Variants in TAFA1 observed in about 807,000 individuals in gnomAD.
TAFA1 encodes the protein chemokine-like protein TAFA-1.
In TAFA1, 4 loss-of-function variants were observed where a neutral mutation model predicts 18.5. The observed-to-expected ratio is 0.22, with a 90% CI of 0.11 to 0.49. The LOEUF is 0.49. Among genes scored for constraint, TAFA1 ranks in the 20% least tolerant of loss-of-function variants. TAFA1 has a pLI of 0.98. For missense variants in TAFA1, 147 were observed against 169.0 expected (o/e 0.87, Z 0.72); for synonymous variants, 56 against 55.2 (o/e 1.01, Z -0.06).
intron 2 of TAFA1, among the ~76,000 whole-genome samples, chr3:68,196,784 C>T (rs2066416112): frequency 6.6e-6 from 1 of 151,718 alleles, no homozygotes; most frequent in African/African-American, 2.4e-5. Context: ...TGCCCCATAG[C>T]TTCTTTAGAA....
At chr3:68,378,370 G>A (rs2069861757) in intron 2 of TAFA1, among the ~76,000 whole-genome samples, 1 of 152,210 alleles carries the variant, frequency 6.6e-6, no homozygotes. Context: ...TTTTCATGGG[G>A]CTTGTAACCC....
intron 2 of TAFA1, among the ~76,000 whole-genome samples, chr3:68,243,697 C>T (rs79321380): frequency 6.6e-6 from 1 of 152,150 alleles, no homozygotes; most frequent in Non-Finnish European, 1.5e-5. Context: ...AGCCATTCAC[C>T]CATTGAAGGA....
intron 2 of TAFA1, among the ~76,000 whole-genome samples, chr3:68,143,313 C>T (rs1270234213): frequency 6.6e-6 from 1 of 152,042 alleles, no homozygotes; most frequent in Admixed American, 6.6e-5. Flanking sequence ...GCCACACATA[C>T]AAAAAATGGG....
rs578217057 is a variant in TAFA1 at position 68,202,645 on chromosome 3, C to T, written c.118+195901C>T. On this transcript the variant is annotated intron_variant, in intron 2 of 4. Coordinates refer to ENST00000478136, the MANE Select transcript of TAFA1 (RefSeq NM_213609.4). ...AGCCAAATTTTAAATAACAATATACCACTTTATGGGTACTGTGAGTAACTT... is the reference window on the plus strand; with the variant it reads ...AGCCAAATTTTAAATAACAATATACTACTTTATGGGTACTGTGAGTAACTT... Among the ~76,000 whole-genome samples, 68 of 151,552 alleles carry T rather than the reference C, an allele frequency of 4.5e-4. 1 individual carries two copies. The highest frequency in any genetic ancestry group is 1.3e-3 in the African/African-American group (55 of 41,402).
intron 2 of TAFA1, among the ~76,000 whole-genome samples, chr3:68,066,171 C>T (rs750993307): frequency 1.3e-5 from 2 of 152,058 alleles, no homozygotes; most frequent in Non-Finnish European, 2.9e-5. Context: ...TCAAATCATA[C>T]ATGAAATATT....
At chr3:68,005,031 A>AT (rs889888906) in intron 1 of TAFA1, among the ~76,000 whole-genome samples, 20 of 151,562 alleles carry the variant, frequency 1.3e-4, no homozygotes, top group African/African-American at 2.2e-4. Flanking sequence ...TTGTGGCAGG[A>AT]TTTTTTTTTC....
At chr3:68,120,205 CTTTCTTTCTTTCTTTCTTT>C (rs2065377626) in intron 2 of TAFA1, among the ~76,000 whole-genome samples, 1 of 108,014 alleles carries the variant, frequency 9.3e-6, no homozygotes, top group Non-Finnish European at 1.8e-5. Context: ...TTCTTTCTTT[CTTTCTTTCTTTCTTTCTTT>C]CTTTCTTTCT....
At chr3:68,518,878 A>G (rs1365553297) in intron 3 of TAFA1, among the ~76,000 whole-genome samples, 1 of 152,238 alleles carries the variant, frequency 6.6e-6, no homozygotes, top group East Asian at 1.9e-4. Context: ...CACTGGTTTC[A>G]GAGTAATTTT....
At chr3:68,439,790 C>T (rs1425228615) in intron 3 of TAFA1, among the ~76,000 whole-genome samples, 3 of 151,936 alleles carry the variant, frequency 2.0e-5, no homozygotes, top group Non-Finnish European at 4.4e-5. Flanking sequence ...TACTTTGCAT[C>T]CTTCAATCCA....
At chr3:68,280,004 C>T (rs1033221996) in intron 2 of TAFA1, among the ~76,000 whole-genome samples, 7 of 152,056 alleles carry the variant, frequency 4.6e-5, no homozygotes, top group East Asian at 3.9e-4. Flanking sequence ...ATACAAAATT[C>T]GCAAATTCTT....
At chr3:68,332,694 A>C (rs1224331700) in intron 2 of TAFA1, among the ~76,000 whole-genome samples, 2 of 152,222 alleles carry the variant, frequency 1.3e-5, no homozygotes, top group Non-Finnish European at 1.5e-5. Context: ...CATCATGGAT[A>C]TAAATCAAAA....
rs546082105 is a variant in TAFA1 at position 68,007,532 on chromosome 3, T to A, written c.118+788T>A. On this transcript the variant is annotated intron_variant, in intron 2 of 4. Coordinates refer to ENST00000478136, the MANE Select transcript of TAFA1 (RefSeq NM_213609.4). ...TACCTTCCCCGGTTCTTGGAAAAAT[T>A]TCCTTCCATTTTCTGTTCAGTATCA... Among the ~76,000 whole-genome samples, 4 of 152,078 alleles carry A rather than the reference T, an allele frequency of 2.6e-5. No homozygotes were observed. In the South Asian group the frequency reaches 8.3e-4, roughly 32 times the overall value.
At chr3:68,499,525 T>C (rs569885404) in intron 3 of TAFA1, among the ~76,000 whole-genome samples, 32 of 148,444 alleles carry the variant, frequency 2.2e-4, no homozygotes, top group African/African-American at 6.9e-4. Flanking sequence ...ATCATAAATA[T>C]CTTCAATTTA....
chr3:68,263,446 T>TACACACACACAC (rs3033685), intron 2 of TAFA1, among the ~76,000 whole-genome samples: 3,519 of 137,722 alleles, frequency 0.026, 64 homozygotes, highest in South Asian at 0.064. Context: ...CACACACACA[T>TACACACACACAC]ACACACACAC....
chr3:68,159,108 G>T (rs2065897368), intron 2 of TAFA1, among the ~76,000 whole-genome samples: 1 of 152,192 alleles, frequency 6.6e-6, no homozygotes, highest in Non-Finnish European at 1.5e-5. Context: ...GTCTTGTCTT[G>T]AGAAAGAAAG....
intron 2 of TAFA1, among the ~76,000 whole-genome samples, chr3:68,061,285 A>C (rs964510778): frequency 6.6e-6 from 1 of 152,164 alleles, no homozygotes; most frequent in African/African-American, 2.4e-5. Flanking sequence ...TGATTATGAA[A>C]ATGATATATA....
intron 2 of TAFA1, among the ~76,000 whole-genome samples, chr3:68,322,331 G>C (rs916010029): frequency 1.3e-5 from 2 of 152,102 alleles, no homozygotes; most frequent in African/African-American, 4.8e-5. Flanking sequence ...AGATTTGCTG[G>C]GTTTGTGCCC....
intron 2 of TAFA1, among the ~76,000 whole-genome samples, chr3:68,286,419 T>C (rs1385134481): frequency 6.6e-6 from 1 of 152,036 alleles, no homozygotes; most frequent in African/African-American, 2.4e-5. Context: ...AGGCTCTCTC[T>C]GAAGTTGCAG....
chr3:68,079,090 T>G (rs1198176091), intron 2 of TAFA1, among the ~76,000 whole-genome samples: 1 of 152,236 alleles, frequency 6.6e-6, no homozygotes, highest in Non-Finnish European at 1.5e-5. Flanking sequence ...TTTTCTAGTT[T>G]ATCTGCATAG....
Sources: allele counts gnomAD v4.1 joint callset (sites outside exome capture counted in the v4.1 genomes callset), GRCh38; gene constraint gnomAD v4.1.1; transcripts MANE v1.5; gene names NCBI Gene and HGNC (gene_info 2026-07-23, HGNC 2026-07-21).